COL23A1: variants seen among roughly 807,000 people sequenced by gnomAD.
COL23A1 encodes collagen type XXIII alpha 1 chain, also known as collagen alpha-1(XXIII) chain.
A neutral mutation model predicts 99.3 loss-of-function variants in COL23A1; 97 were observed. The ratio of observed to expected loss-of-function variants is 0.98; its 90% CI spans 0.83 to 1.16. The LOEUF (loss-of-function observed/expected upper bound fraction) is 1.16. COL23A1 is among the 50% of genes most tolerant of loss of function. The pLI, the probability that COL23A1 is intolerant of heterozygous loss-of-function variation, is 0.00. For synonymous variants in COL23A1, 320 were observed against 308.2 expected, an observed-to-expected ratio of 1.04 and a Z score of -0.40; for missense variants, 762 against 757.4, an observed-to-expected ratio of 1.01 and a Z score of -0.07.
Position 178,310,376 on chromosome 5 carries a change from G to T in COL23A1, c.362-3457C>A, listed in dbSNP as rs1038059308. Among the ~76,000 whole-genome samples, 1 of 152,174 alleles carries T rather than the reference G, an allele frequency of 6.6e-6. No homozygotes were observed. The highest frequency in any genetic ancestry group is 2.4e-5 in the African/African-American group (1 of 41,444). On this transcript the variant is annotated intron_variant, in intron 2 of 28. Transcript: ENST00000390654. The surrounding 1 kb of genome is among the most constrained non-coding windows in gnomAD (Gnocchi z 4.3). ...TTCAACATCTACTGGGTGCCAAGCC[G>T]GCTGCTCACCCAGTGAGCATGAACT...
intron 20 of COL23A1, 123 bp from the exon 21 acceptor site, chr5:178,247,954 G>A (rs922421101): frequency 4.6e-5 from 41 of 893,350 alleles, no homozygotes; most frequent in Non-Finnish European, 6.0e-5. Flanking sequence ...GCAGAGTCTG[G>A]TGAGCAGGTG....
chr5:178,317,925 G>A (rs182099560), intron 2 of COL23A1, among the ~76,000 whole-genome samples: 5 of 152,240 alleles, frequency 3.3e-5, no homozygotes, highest in Middle Eastern at 3.4e-3. Context: ...ACGAGATCTC[G>A]ATGACTACCA....
chr5:178,537,443 G>A (rs2546643), intron 2 of COL23A1, among the ~76,000 whole-genome samples: 138,384 of 152,282 alleles, frequency 0.91, 62,961 homozygotes, highest in Admixed American at 0.94. Context: ...ATATTTCCTG[G>A]GTCATAGAAC....
At chr5:178,358,256 A>ATGTATATGTGTG (rs1554145320) in intron 2 of COL23A1, among the ~76,000 whole-genome samples, 2 of 95,748 alleles carry the variant, frequency 2.1e-5, no homozygotes, top group Non-Finnish European at 4.1e-5. Context: ...ATGTGTGTGT[A>ATGTATATGTGTG]TGTATATGTG....
At chr5:178,302,399 G>A (rs1017335948) in intron 3 of COL23A1, among the ~76,000 whole-genome samples, 12 of 136,834 alleles carry the variant, frequency 8.8e-5, no homozygotes, top group Non-Finnish European at 1.6e-4. Flanking sequence ...GCCGGAGCAC[G>A]GCTTCAATCC....
chr5:178,326,940 G>A lies in COL23A1; in HGVS notation c.362-20021C>T, dbSNP rs113623031. 8.1e-4 allele frequency among the ~76,000 whole-genome samples: 123 copies of A among 152,290 alleles called. 2 individuals carry two copies. Among genetic ancestry groups the A allele is most frequent in the East Asian group, 1.2e-3 (6 of 5,174 alleles). ...TCACCATGCTGGTCAGGCTGGTCTCGAACTCCTGACTTCGTGATCCGCCCA... is the reference window on the plus strand; with the variant it reads ...TCACCATGCTGGTCAGGCTGGTCTCAAACTCCTGACTTCGTGATCCGCCCA... On this transcript the variant is annotated intron_variant, in intron 2 of 28. Coordinates refer to ENST00000390654, the MANE Select transcript of COL23A1 (RefSeq NM_173465.4).
At chr5:178,436,120 TG>T (rs752973602) in intron 2 of COL23A1, among the ~76,000 whole-genome samples, 1 of 151,576 alleles carries the variant, frequency 6.6e-6, no homozygotes, top group Non-Finnish European at 1.5e-5. Flanking sequence ...ACAGGCTGAG[TG>T]GGAGGGGAGA....
At chr5:178,406,494 A>G (rs1275138680) in intron 2 of COL23A1, among the ~76,000 whole-genome samples, 1 of 149,936 alleles carries the variant, frequency 6.7e-6, no homozygotes, top group African/African-American at 2.5e-5. Context: ...AAATGGCGAC[A>G]TCTCGGCTCA....
At chr5:178,265,069 G>A (rs1302791487) in intron 8 of COL23A1, among the ~76,000 whole-genome samples, 5 of 152,198 alleles carry the variant, frequency 3.3e-5, no homozygotes, top group African/African-American at 7.2e-5. Context: ...GGAAGGCAGA[G>A]GCTCCTCTCA....
chr5:178,248,888 T>C (rs1326442632), intron 19 of COL23A1, among the ~76,000 whole-genome samples: 1 of 152,172 alleles, frequency 6.6e-6, no homozygotes, highest in African/African-American at 2.4e-5. Flanking sequence ...CTCCTGATTT[T>C]AGCTGCCATC....
At chr5:178,244,288 C>T (rs562293369) in intron 25 of COL23A1, among the ~76,000 whole-genome samples, 3 of 152,228 alleles carry the variant, frequency 2.0e-5, no homozygotes, top group South Asian at 4.2e-4. Flanking sequence ...CGTGCCTGGC[C>T]GGTAATGTTC....
intron 2 of COL23A1, among the ~76,000 whole-genome samples, chr5:178,318,767 T>C (rs2127622585): frequency 6.6e-6 from 1 of 152,196 alleles, no homozygotes; most frequent in Admixed American, 6.5e-5. Flanking sequence ...CCGGGTGTGG[T>C]GGCGGGCGCC....
Position 178,309,422 on chromosome 5 carries a change from C to A in COL23A1, c.362-2503G>T, listed in dbSNP as rs1484361047. 1.3e-5 allele frequency among the ~76,000 whole-genome samples: 2 copies of A among 152,100 alleles called. No homozygotes were observed. Among genetic ancestry groups the A allele is most frequent in the Non-Finnish European group, 2.9e-5 (2 of 68,014 alleles). ...CGCAGGCCAGGCAGGCTGGATGTGA[C>A]CCCGACTGAATAGGGCCCTCGTGGA... On this transcript the variant is annotated intron_variant, in intron 2 of 28. Transcript: ENST00000390654. The surrounding 1 kb of genome is among the most constrained non-coding windows in gnomAD (Gnocchi z 4.7).
At chr5:178,371,762 C>G (rs774967388) in intron 2 of COL23A1, among the ~76,000 whole-genome samples, 4 of 152,188 alleles carry the variant, frequency 2.6e-5, no homozygotes, top group African/African-American at 4.8e-5. Context: ...TTCCTGTCAT[C>G]TACTCTCGGC....
At chr5:178,273,851 C>A (rs900924928) in intron 5 of COL23A1, among the ~76,000 whole-genome samples, 2 of 152,316 alleles carry the variant, frequency 1.3e-5, no homozygotes, top group African/African-American at 4.8e-5. Flanking sequence ...GCTTTGGAGT[C>A]AGATGCACCT....
intron 2 of COL23A1, among the ~76,000 whole-genome samples, chr5:178,321,480 C>CTTTTTTTTTTTTT (rs570803192): frequency 1.8e-5 from 2 of 109,040 alleles, no homozygotes; most frequent in African/African-American, 8.0e-5. Flanking sequence ...GTCACCTTCC[C>CTTTTTTTTTTTTT]TTTTTTTTTT....
At chr5:178,498,250 A>ATATATATG (rs1758328748) in intron 2 of COL23A1, among the ~76,000 whole-genome samples, 1 of 72,108 alleles carries the variant, frequency 1.4e-5, no homozygotes, top group Non-Finnish European at 2.4e-5. Flanking sequence ...ATATATATAT[A>ATATATATG]TATATATAAA....
chr5:178,456,851 CA>C (rs1329487000), intron 2 of COL23A1, among the ~76,000 whole-genome samples: 15 of 152,108 alleles, frequency 9.9e-5, no homozygotes, highest in Non-Finnish European at 2.2e-4. Context: ...TCTTGCAAAT[CA>C]GTAAGAAAAG....
At position 178,346,122 on chromosome 5, in the gene COL23A1, TTAAAG is replaced by T. The variant is rs1299246123; in HGVS notation, c.362-39208_362-39204del. Among the ~76,000 whole-genome samples the T allele has an allele frequency of 2.5e-4, 37 of 147,626 alleles. 1 individual carries two copies. Among genetic ancestry groups the T allele is most frequent in the Admixed American group, 1.2e-3 (18 of 15,108 alleles). On this transcript the variant is annotated intron_variant, in intron 2 of 28. Coordinates refer to ENST00000390654, the MANE Select transcript of COL23A1 (RefSeq NM_173465.4). ...CATTCTAGATTAATTTCTTTTGGAA[TTAAAG>T]TAGATTTGTTAAAAAAAAATCGCTG...
Sources: gnomAD v4.1 joint callset for allele counts (sites outside exome capture counted in the v4.1 genomes callset) on GRCh38, gnomAD v4.1.1 for gene constraint, Gnocchi (gnomAD v3.1) non-coding constraint, MANE v1.5 for transcripts, NCBI Gene and HGNC (gene_info 2026-07-23, HGNC 2026-07-21) for gene names.